Variants in INTS9 observed in about 807,000 individuals in gnomAD.
INTS9 encodes the protein integrator complex subunit 9.
A neutral mutation model predicts 79.7 loss-of-function variants in INTS9; 55 were observed. The ratio of observed to expected loss-of-function variants is 0.69; its 90% CI spans 0.56 to 0.86. The LOEUF (loss-of-function observed/expected upper bound fraction) is 0.86, where lower values mean the gene tolerates loss of function less well. Ranked by LOEUF, INTS9 falls within the 40% of genes least tolerant of loss-of-function variation. The pLI, the probability that INTS9 is intolerant of heterozygous loss-of-function variation, is 0.00. For synonymous variants in INTS9, 319 were observed against 325.2 expected (o/e 0.98, Z 0.20); for missense variants, 721 against 831.5 (o/e 0.87, Z 1.64).
intron 10 of INTS9, among the ~76,000 whole-genome samples, chr8:28,788,330 A>G (rs971930261): frequency 4.6e-5 from 7 of 152,152 alleles, no homozygotes; most frequent in Non-Finnish European, 8.8e-5. Flanking sequence ...CTGTTCCAGG[A>G]TCCAATCCGT....
rs576258809 is a variant in INTS9, at chr8:28,778,001, G to C, written c.1271-48C>G. On this transcript the variant is annotated intron_variant, in intron 12 of 16. Coordinates refer to ENST00000521022, the MANE Select transcript of INTS9 (RefSeq NM_018250.4). ...ATCTTACAATGCAGACTACACAGGA[G>C]CTGCCAAGCCAGACAGCAACTGGGG... 3.3e-5 allele frequency: 50 copies of C among 1,535,816 alleles called. No homozygotes were observed. In the South Asian group the frequency reaches 6.1e-4, roughly 19 times the overall value.
chr8:28,826,058 T>C (rs1806123023), intron 6 of INTS9, among the ~76,000 whole-genome samples: 1 of 152,194 alleles, frequency 6.6e-6, no homozygotes. Context: ...AAAGCATTTG[T>C]TTATACAGAA....
intron 1 of INTS9, among the ~76,000 whole-genome samples, chr8:28,878,525 T>C (rs1479108167): frequency 6.6e-6 from 1 of 151,614 alleles, no homozygotes; most frequent in Non-Finnish European, 1.5e-5. Context: ...TCTGACTGTG[T>C]TGCCCAGGCT....
chr8:28,880,142 A>T (rs987752753), intron 1 of INTS9, among the ~76,000 whole-genome samples: 14 of 151,846 alleles, frequency 9.2e-5, no homozygotes, highest in Non-Finnish European at 1.9e-4. Context: ...TGCTGGAAAA[A>T]AATAGAGGAA....
chr8:28,880,778 T>C (rs1259208772), intron 1 of INTS9, among the ~76,000 whole-genome samples: 1 of 149,318 alleles, frequency 6.7e-6, no homozygotes, highest in Non-Finnish European at 1.5e-5. Flanking sequence ...GAGGAGCGTC[T>C]CTGCCCGGCC....
chr8:28,859,643 C>T (rs770451344), intron 1 of INTS9, 80 bp from the exon 2 acceptor site: 15 of 1,461,028 alleles, frequency 1.0e-5, no homozygotes, highest in Middle Eastern at 2.0e-4. Context: ...ATAACTCTGA[C>T]GATCTTCTCT....
intron 1 of INTS9, among the ~76,000 whole-genome samples, chr8:28,874,097 C>T (rs1563313116): frequency 6.6e-6 from 1 of 151,922 alleles, no homozygotes. Flanking sequence ...GCTAAGCTCC[C>T]TAATTCTTCT....
chr8:28,811,858 AATG>A (rs1275826961), intron 8 of INTS9, among the ~76,000 whole-genome samples: 1 of 152,112 alleles, frequency 6.6e-6, no homozygotes, highest in African/African-American at 2.4e-5. Flanking sequence ...CTCAATCGGA[AATG>A]ACCAGGCACT....
In INTS9 at chr8:28,778,081, G is replaced by A. The variant is rs1039141367; in HGVS notation, c.1271-128C>T. 1.7e-5 allele frequency: 17 copies of A among 1,014,304 alleles called. No individual in the cohort carries two copies. The East Asian group carries it at 2.8e-4, about 17-fold the overall frequency. 62.8% of individuals were successfully genotyped at this position (1,014,304 alleles called of 1,614,324 possible). A position where few individuals can be genotyped will look rare whatever the true frequency, so the allele number is the denominator to read the frequency against. On this transcript the variant is annotated intron_variant, in intron 12 of 16. Transcript: ENST00000521022. ...CAGGAGGGAGCCAGGAAGCACACGT[G>A]GGGGACGGAGGTCAAAGGGGCCCCG...
At chr8:28,856,984 T>A (rs191909878) in intron 2 of INTS9, among the ~76,000 whole-genome samples, 1 of 152,220 alleles carries the variant, frequency 6.6e-6, no homozygotes, top group South Asian at 2.1e-4. Context: ...TGGTTTTCTA[T>A]TCTTGTGTTA....
At position 28,807,119 on chromosome 8, in the gene INTS9, A is replaced by T. The variant is rs1249466443; in HGVS notation, c.744+5208T>A. Among the ~76,000 whole-genome samples, 7 of 152,310 alleles carry T rather than the reference A, an allele frequency of 4.6e-5. No homozygotes were observed. The South Asian group carries it at 6.2e-4, about 14-fold the overall frequency. ...GATGAAAATAAAATTTAGAATGAAAACAGACTTACACAAAAAAGGTTAAAC... is the reference window on the plus strand; with the variant it reads ...GATGAAAATAAAATTTAGAATGAAATCAGACTTACACAAAAAAGGTTAAAC... On this transcript the variant is annotated intron_variant, in intron 8 of 16. Coordinates refer to ENST00000521022, the MANE Select transcript of INTS9 (RefSeq NM_018250.4).
intron 1 of INTS9, among the ~76,000 whole-genome samples, chr8:28,862,978 C>A (rs1306065428): frequency 2.0e-5 from 3 of 152,186 alleles, no homozygotes; most frequent in African/African-American, 7.2e-5. Flanking sequence ...AGTAATAGAA[C>A]CTATCCTTGT....
chr8:28,872,580 C>A (rs904364035), intron 1 of INTS9, among the ~76,000 whole-genome samples: 1 of 151,964 alleles, frequency 6.6e-6, no homozygotes, highest in South Asian at 2.1e-4. Flanking sequence ...ACACAACTTT[C>A]TCAAAGTGTC....
intron 6 of INTS9, among the ~76,000 whole-genome samples, chr8:28,829,361 A>G (rs1370920088): frequency 6.6e-6 from 1 of 152,172 alleles, no homozygotes; most frequent in Non-Finnish European, 1.5e-5. Context: ...CTGCAATGTC[A>G]AAGTTAGGAA....
intron 2 of INTS9, among the ~76,000 whole-genome samples, chr8:28,853,197 C>G (rs1258307514): frequency 6.6e-6 from 1 of 151,982 alleles, no homozygotes; most frequent in African/African-American, 2.4e-5. Flanking sequence ...GATGGATCAC[C>G]TAGGTCAGGG....
chr8:28,774,981 TTG>T, intron 14 of INTS9, among the ~76,000 whole-genome samples: 1 of 152,204 alleles, frequency 6.6e-6, no homozygotes. Context: ...TACTTAGACT[TTG>T]ATAGACCAAA....
At chr8:28,833,969 C>A (rs1278660166) in intron 6 of INTS9, among the ~76,000 whole-genome samples, 7 of 152,190 alleles carry the variant, frequency 4.6e-5, no homozygotes, top group Non-Finnish European at 1.0e-4. Context: ...AGGACTTCCC[C>A]ATTCCCATAG....
At chr8:28,864,853 G>A (rs553456573) in intron 1 of INTS9, among the ~76,000 whole-genome samples, 1 of 151,994 alleles carries the variant, frequency 6.6e-6, no homozygotes, top group African/African-American at 2.4e-5. Flanking sequence ...CAGCATGGTG[G>A]TGCACACCTG....
At chr8:28,830,831 G>A (rs1036294685) in intron 6 of INTS9, among the ~76,000 whole-genome samples, 6 of 151,950 alleles carry the variant, frequency 3.9e-5, no homozygotes, top group African/African-American at 1.5e-4. Context: ...ACAATCATTG[G>A]CCAGGATGAG....
Sources: allele counts gnomAD v4.1 joint callset (sites outside exome capture counted in the v4.1 genomes callset), GRCh38; gene constraint gnomAD v4.1.1; transcripts MANE v1.5; gene names NCBI Gene and HGNC (gene_info 2026-07-23, HGNC 2026-07-21).